BNC2: variants seen among roughly 807,000 people sequenced by gnomAD.
The protein encoded by BNC2 is basonuclin zinc finger protein 2.
In BNC2, 20 loss-of-function variants were observed where a neutral mutation model predicts 76.3. The observed-to-expected ratio is 0.26, with a 90% CI of 0.18 to 0.38. The LOEUF (loss-of-function observed/expected upper bound fraction) is 0.38. Ranked by LOEUF, BNC2 falls within the 10% of genes least tolerant of loss-of-function variation. The pLI is 1.00. For missense variants in BNC2, 1,382 were observed against 1,399.8 expected, an observed-to-expected ratio of 0.99 and a Z score of 0.20; for synonymous variants, 582 against 514.8, an observed-to-expected ratio of 1.13 and a Z score of -1.77.
intron 3 of BNC2, among the ~76,000 whole-genome samples, chr9:16,671,834 C>G (rs138438730): frequency 6.6e-6 from 1 of 152,288 alleles, no homozygotes; most frequent in East Asian, 1.9e-4. Context: ...AGAAAACAGA[C>G]CCAAACTCCA....
At chr9:16,724,259 C>A (rs1329624935) in intron 3 of BNC2, among the ~76,000 whole-genome samples, 1 of 151,764 alleles carries the variant, frequency 6.6e-6, no homozygotes, top group African/African-American at 2.4e-5. Flanking sequence ...GAGATAGCTA[C>A]AAGAATTTTA....
chr9:16,848,259 C>G (rs1395683048), intron 1 of BNC2, among the ~76,000 whole-genome samples: 4 of 152,154 alleles, frequency 2.6e-5, no homozygotes, highest in Non-Finnish European at 5.9e-5. Context: ...CTGACAGCTT[C>G]CATCTCCCAA....
At chr9:16,513,950 G>C (rs1036332262) in intron 5 of BNC2, among the ~76,000 whole-genome samples, 20 of 152,154 alleles carry the variant, frequency 1.3e-4, no homozygotes, top group African/African-American at 4.6e-4. Context: ...TTAAATGTTA[G>C]CTTCCGTGAA....
intron 1 of BNC2, among the ~76,000 whole-genome samples, chr9:16,819,557 G>A (rs1051659426): frequency 6.6e-6 from 1 of 152,014 alleles, no homozygotes; most frequent in Non-Finnish European, 1.5e-5. Context: ...CAGCTACTCA[G>A]GAGGCAGCAG....
Position 16,419,419 on chromosome 9 carries a change from T to C in BNC2, c.2870A>G (p.Tyr957Cys). Residue 957 changes from tyrosine to cysteine, a missense_variant, in exon 7 of 7, where the codon TAC becomes TGC. Around this residue, in one of 3 missense-constraint regions of BNC2, gnomAD observed 798 missense variants for 775.5 expected, o/e 1.03. Coordinates refer to ENST00000380672, the MANE Select transcript of BNC2 (RefSeq NM_017637.6). ...GGTGGTGCTCAAGTCAAGGACCATG[T>C]AGTCCTCTGCCATGCCTCTCCCATA... ...NGYGRGMAED[Y>C]MVLDLSTTSS... is the part of the protein sequence containing the mutation. 6.2e-7 allele frequency: 1 copy of C among 1,606,048 alleles called. No homozygotes were observed. Among genetic ancestry groups the C allele is most frequent in the Non-Finnish European group, 8.5e-7 (1 of 1,175,766 alleles).
intron 1 of BNC2, among the ~76,000 whole-genome samples, chr9:16,866,658 AC>A (rs1161641105): frequency 9.9e-6 from 1 of 100,504 alleles, no homozygotes; most frequent in Non-Finnish European, 1.8e-5. Flanking sequence ...TGCTTCTGTC[AC>A]TTTTAAAAAA....
At position 16,739,245 on chromosome 9, in the gene BNC2, G is replaced by A. The variant is rs1419866999; in HGVS notation, c.4-760C>T. Reference sequence around the variant, plus strand: ...CTATTTAGCCTGTTATCTACCAACAGTCCAAACTACCAAAAGCTTCTCAAC... The same window carrying A: ...CTATTTAGCCTGTTATCTACCAACAATCCAAACTACCAAAAGCTTCTCAAC... On this transcript the variant is annotated intron_variant, in intron 1 of 6. Coordinates refer to ENST00000380672, the MANE Select transcript of BNC2 (RefSeq NM_017637.6). 3.9e-5 allele frequency among the ~76,000 whole-genome samples: 6 copies of A among 152,254 alleles called. No homozygotes were observed. The East Asian group carries it at 1.2e-3, about 29-fold the overall frequency.
intron 4 of BNC2, among the ~76,000 whole-genome samples, chr9:16,554,100 C>G (rs764141415): frequency 1.3e-5 from 2 of 152,314 alleles, no homozygotes; most frequent in Non-Finnish European, 1.5e-5. Flanking sequence ...CCTAAGGTTT[C>G]TGCAAATTCT....
intron 3 of BNC2, among the ~76,000 whole-genome samples, chr9:16,679,996 T>C (rs994742889): frequency 6.6e-6 from 1 of 152,210 alleles, no homozygotes; most frequent in Non-Finnish European, 1.5e-5. Flanking sequence ...TTGTTTCGCA[T>C]AGGGGGAGTG....
At chr9:16,788,313 G>A (rs796516926) in intron 1 of BNC2, among the ~76,000 whole-genome samples, 11 of 152,036 alleles carry the variant, frequency 7.2e-5, no homozygotes, top group African/African-American at 2.6e-4. Context: ...CAGCACTCTG[G>A]GAGGCCAAGG....
intron 3 of BNC2, among the ~76,000 whole-genome samples, chr9:16,659,348 A>G (rs565644251): frequency 1.3e-5 from 2 of 152,174 alleles, no homozygotes; most frequent in South Asian, 4.2e-4. Context: ...ACAGTGGCTC[A>G]CGCGTAATCA....
chr9:16,814,954 T>C (rs1818146108), intron 1 of BNC2, among the ~76,000 whole-genome samples: 1 of 152,114 alleles, frequency 6.6e-6, no homozygotes, highest in Admixed American at 6.5e-5. Context: ...CAGATGATTA[T>C]CTCTAACTTG....
intron 3 of BNC2, among the ~76,000 whole-genome samples, chr9:16,612,445 G>C (rs1431415956): frequency 1.3e-5 from 2 of 152,018 alleles, no homozygotes; most frequent in East Asian, 3.9e-4. Flanking sequence ...CCTTTTATTA[G>C]AGTAGAATTT....
At chr9:16,719,690 G>A (rs912216866) in intron 3 of BNC2, among the ~76,000 whole-genome samples, 8 of 152,256 alleles carry the variant, frequency 5.3e-5, no homozygotes, top group African/African-American at 1.7e-4. Flanking sequence ...GTGAGACAAT[G>A]GGTTAAAATT....
chr9:16,539,557 G>A (rs902473625), intron 5 of BNC2, among the ~76,000 whole-genome samples: 3 of 136,806 alleles, frequency 2.2e-5, no homozygotes, highest in African/African-American at 8.4e-5. Flanking sequence ...GAGAGAGGGG[G>A]AGGGGGAGAG....
At chr9:16,626,628 G>A (rs1821000207) in intron 3 of BNC2, among the ~76,000 whole-genome samples, 1 of 152,018 alleles carries the variant, frequency 6.6e-6, no homozygotes, top group Non-Finnish European at 1.5e-5. Flanking sequence ...CTGGCTCTGG[G>A]GTGCTGGCCC....
intron 1 of BNC2, among the ~76,000 whole-genome samples, chr9:16,816,670 T>A (rs1818190192): frequency 6.6e-6 from 1 of 152,148 alleles, no homozygotes; most frequent in Admixed American, 6.5e-5. Context: ...AAAAAATTAA[T>A]CTCAAGGGCA....
intron 1 of BNC2, among the ~76,000 whole-genome samples, chr9:16,860,279 C>A (rs551542440): frequency 2.7e-4 from 41 of 152,094 alleles, no homozygotes; most frequent in Non-Finnish European, 4.6e-4. Flanking sequence ...TTCTCAATTG[C>A]AAAACTTAAT....
At chr9:16,484,084 G>A (rs979198987) in intron 5 of BNC2, among the ~76,000 whole-genome samples, 1 of 152,136 alleles carries the variant, frequency 6.6e-6, no homozygotes, top group East Asian at 1.9e-4. Context: ...TGACCCCAAG[G>A]CTTTTGACGT....
Sources: gnomAD v4.1 joint callset for allele counts (sites outside exome capture counted in the v4.1 genomes callset) on GRCh38, gnomAD v4.1.1 for gene constraint, gnomAD v4.1.1 regional missense constraint, MANE v1.5 for transcripts, NCBI Gene and HGNC (gene_info 2026-07-23, HGNC 2026-07-21) for gene names.